CLUL1: variants seen among roughly 807,000 people sequenced by gnomAD.
CLUL1 encodes the protein clusterin-like protein 1.
Under a neutral mutation model 49.4 loss-of-function variants are expected in CLUL1, and 43 were observed. The ratio of observed to expected loss-of-function variants is 0.87; its 90% confidence interval spans 0.68 to 1.12. The LOEUF (loss-of-function observed/expected upper bound fraction) is 1.12. CLUL1 is among the 50% of genes most tolerant of loss of function. The pLI is 0.00. For synonymous variants in CLUL1, 192 were observed against 184.9 expected, an observed-to-expected ratio of 1.04 and a Z score of -0.31; for missense variants, 486 against 544.4, an observed-to-expected ratio of 0.89 and a Z score of 1.07.
At chr18:644,300 T>C (rs759954689) in intron 8 of CLUL1, among the ~76,000 whole-genome samples, 1 of 152,238 alleles carries the variant, frequency 6.6e-6, no homozygotes, top group Non-Finnish European at 1.5e-5. Flanking sequence ...TCTGTGCATT[T>C]GAGAATTCAT....
At chr18:646,068 T>C (rs2144211223) in intron 9 of CLUL1, among the ~76,000 whole-genome samples, 1 of 151,550 alleles carries the variant, frequency 6.6e-6, no homozygotes, top group African/African-American at 2.4e-5. Flanking sequence ...GTGTCCAAGG[T>C]CCAATGAACT....
chr18:633,269 C>CT (rs779630518), intron 6 of CLUL1, 29 bp from the exon 7 acceptor site: 11 of 1,580,634 alleles, frequency 7.0e-6, no homozygotes, highest in Non-Finnish European at 9.5e-6. Context: ...TCTTATGACA[C>CT]TAACGTGTAA....
intron 9 of CLUL1, among the ~76,000 whole-genome samples, chr18:648,451 T>A (rs975037364): frequency 9.2e-5 from 14 of 152,196 alleles, no homozygotes; most frequent in Admixed American, 7.2e-4. Context: ...ACAAAAATTA[T>A]CCATAATCCC....
chr18:638,844 C>T (rs1048079038), intron 7 of CLUL1, among the ~76,000 whole-genome samples: 11 of 149,782 alleles, frequency 7.3e-5, no homozygotes, highest in East Asian at 1.9e-4. Context: ...GGTGACAGAG[C>T]GAGACTTTGT....
intron 4 of CLUL1, among the ~76,000 whole-genome samples, chr18:623,440 T>G (rs535988308): frequency 2.4e-4 from 37 of 151,432 alleles, no homozygotes; most frequent in Admixed American, 2.0e-3. Flanking sequence ...AGGCCAGGAG[T>G]TCGAGATCAG....
chr18:649,712 A>G, intron 9 of CLUL1, 186 bp from the exon 10 acceptor site: 1 of 510,348 alleles, frequency 2.0e-6, no homozygotes, highest in Non-Finnish European at 3.5e-6. Context: ...ATTTCTTCAA[A>G]TTGTTAAGAA....
intron 2 of CLUL1, among the ~76,000 whole-genome samples, chr18:615,295 T>G (rs2073255455): frequency 6.6e-6 from 1 of 152,166 alleles, no homozygotes; most frequent in Admixed American, 6.5e-5. Flanking sequence ...TCAAAGTAAT[T>G]AGTACTAGTT....
chr18:614,320 AGGG>A (rs1381627964), intron 2 of CLUL1, among the ~76,000 whole-genome samples: 325 of 122,688 alleles, frequency 2.6e-3, no homozygotes, highest in African/African-American at 8.8e-3. Flanking sequence ...GAAGGGAGGG[AGGG>A]AAGGAAGGGA....
chr18:624,824 T>C (rs495799), intron 4 of CLUL1, 41 bp from the exon 5 acceptor site: 1,583,482 of 1,596,348 alleles, frequency 0.99, 786,170 homozygotes, highest in East Asian at 1. Flanking sequence ...GCACATAGAT[T>C]ATGAAATGGA....
chr18:637,160 G>A (rs975765173), intron 7 of CLUL1, among the ~76,000 whole-genome samples: 2 of 151,866 alleles, frequency 1.3e-5, no homozygotes, highest in African/African-American at 4.8e-5. Flanking sequence ...CTAAATTTTT[G>A]TATTTTTAGT....
chr18:597,500 C>T (rs2072685306), intron 1 of CLUL1, among the ~76,000 whole-genome samples: 2 of 152,036 alleles, frequency 1.3e-5, no homozygotes, highest in Admixed American at 6.5e-5. Context: ...CCGAGGGGGG[C>T]CGATCACTTG....
chr18:640,058 C>T (rs115857748), intron 7 of CLUL1, among the ~76,000 whole-genome samples: 85 of 152,264 alleles, frequency 5.6e-4, no homozygotes, highest in African/African-American at 2.0e-3. Context: ...AAACATTTGC[C>T]ACTTTTCAAT....
chr18:641,204 C>G, intron 7 of CLUL1, 123 bp from the exon 8 acceptor site: 1 of 724,108 alleles, frequency 1.4e-6, no homozygotes, highest in Non-Finnish European at 2.3e-6. Flanking sequence ...ACAGGCATAA[C>G]TAAAAACTAC....
At chr18:639,582 T>C (rs1294983950) in intron 7 of CLUL1, among the ~76,000 whole-genome samples, 2 of 151,820 alleles carry the variant, frequency 1.3e-5, no homozygotes, top group Non-Finnish European at 2.9e-5. Context: ...CTGGTCAGCA[T>C]GGTGAAACCC....
rs989675280 is a variant in CLUL1 at position 606,284 on chromosome 18, A to G, written c.-135-694A>G. On this transcript the variant is annotated intron_variant, in intron 1 of 9. Coordinates refer to ENST00000692774, the MANE Select transcript of CLUL1 (RefSeq NM_001393344.1). This position sits in a 1 kb window ranked among gnomAD's most constrained non-coding sequence, Gnocchi z 4.1. Reference sequence around the variant, plus strand: ...ACAGTCCCTCAATCCCCCTTTTCCAAGATGTGCACAGCCTGACTCCTAACT... The same window carrying G: ...ACAGTCCCTCAATCCCCCTTTTCCAGGATGTGCACAGCCTGACTCCTAACT... Among the ~76,000 whole-genome samples the G allele has an allele frequency of 6.6e-6, 1 of 152,138 alleles. No individual in the cohort carries two copies. The highest frequency in any genetic ancestry group is 1.5e-5 in the Non-Finnish European group (1 of 68,006).
intron 4 of CLUL1, among the ~76,000 whole-genome samples, chr18:620,385 C>T (rs536188632): frequency 5.3e-5 from 8 of 149,792 alleles, no homozygotes; most frequent in Admixed American, 2.7e-4. Context: ...TTTCAAGAAT[C>T]TTGTTAAGCC....
rs772589301 is a variant in CLUL1 at position 618,026 on chromosome 18, T to G, written c.26T>G (p.Ile9Ser). 1 of 1,614,158 alleles carries G rather than the reference T, an allele frequency of 6.2e-7. No individual in the cohort carries two copies. Among genetic ancestry groups the G allele is most frequent in the East Asian group, 2.2e-5 (1 of 44,886 alleles). Residue 9 changes from isoleucine (I) to serine (S), a missense_variant, in exon 3 of 10, where the codon ATT becomes AGT. Ile to Ser is a moderately radical substitution (Grantham distance 142). Coordinates refer to ENST00000692774, the MANE Select transcript of CLUL1 (RefSeq NM_001393344.1). This position sits in a 1 kb window ranked among gnomAD's most constrained non-coding sequence, Gnocchi z 4.2. ...ATGAAGCCGCCACTCTTGGTGTTTA[T>G]TGTGTGTCTGCTGTGGTTGAAAGAC... MKPPLLVFIVCLLWLKDSH... is the reference protein window; with the variant it reads MKPPLLVFSVCLLWLKDSH...
chr18:613,746 G>A (rs889375447), intron 2 of CLUL1, among the ~76,000 whole-genome samples: 2 of 152,194 alleles, frequency 1.3e-5, no homozygotes, highest in African/African-American at 4.8e-5. Flanking sequence ...GAGCCACTGT[G>A]CCTGGCCTAG....
At chr18:644,815 A>G (rs1015575229) in intron 8 of CLUL1, 95 bp from the exon 9 acceptor site, 1 of 903,248 alleles carries the variant, frequency 1.1e-6, no homozygotes, top group Non-Finnish European at 1.6e-6. Context: ...TTACCTCAGC[A>G]CAACCCAGCC....
Sources: gnomAD v4.1 joint callset for allele counts (sites outside exome capture counted in the v4.1 genomes callset) on GRCh38, gnomAD v4.1.1 for gene constraint, Gnocchi (gnomAD v3.1) non-coding constraint, MANE v1.5 for transcripts, NCBI Gene and HGNC (gene_info 2026-07-23, HGNC 2026-07-21) for gene names.